Variants in NID2 observed in about 807,000 individuals in gnomAD.
The protein encoded by NID2 is nidogen-2.
In NID2, 83 loss-of-function variants were observed where a neutral mutation model predicts 145.4. The ratio of observed to expected loss-of-function variants is 0.57; its 90% CI spans 0.48 to 0.69. The LOEUF is 0.69. Ranked by LOEUF, NID2 falls within the 30% of genes least tolerant of loss-of-function variation. The probability of loss-of-function intolerance (pLI) is 0.00; values close to 1 mark genes in which losing one functional copy is unlikely to be tolerated. For missense variants in NID2, 1,807 were observed against 1,765.7 expected, an observed-to-expected ratio of 1.02 and a Z score of -0.42; for synonymous variants, 739 against 701.3, an observed-to-expected ratio of 1.05 and a Z score of -0.85.
chr14:52,038,658 C>CTA, intron 9 of NID2, 89 bp downstream of exon 9: 2 of 1,012,544 alleles, frequency 2.0e-6, no homozygotes, highest in South Asian at 3.6e-5. Flanking sequence ...CAGCATGGCA[C>CTA]TAGGTAACCC....
At chr14:52,058,016 C>G (rs1234666931) in intron 3 of NID2, among the ~76,000 whole-genome samples, 2 of 152,080 alleles carry the variant, frequency 1.3e-5, no homozygotes, top group Non-Finnish European at 2.9e-5. Context: ...AATCATACAC[C>G]CTTTCTCAGC....
At chr14:52,060,705 A>G (rs1892999572) in intron 2 of NID2, among the ~76,000 whole-genome samples, 1 of 152,252 alleles carries the variant, frequency 6.6e-6, no homozygotes, top group Admixed American at 6.5e-5. Flanking sequence ...AGCAATCAGC[A>G]AAATTAACTT....
At chr14:52,022,717 C>T (rs1346704182) in intron 12 of NID2, among the ~76,000 whole-genome samples, 1 of 152,216 alleles carries the variant, frequency 6.6e-6, no homozygotes, top group African/African-American at 2.4e-5. Context: ...TGTTAAAAAT[C>T]CTTCGAGTTC....
chr14:52,060,375 AAAAAG>A lies in NID2; in HGVS notation c.535-24_535-20del. ...TGTTCAGCTGTGAGGAAAAAAAAAA[AAAAAG>A]AGAGAGAGAGAGAGAGAAACATCCT... On this transcript the variant is annotated intron_variant, in intron 2 of 21. Coordinates refer to ENST00000216286, the MANE Select transcript of NID2 (RefSeq NM_007361.4). 1.9e-5 allele frequency: 24 copies of A among 1,244,984 alleles called. No homozygotes were observed. Among genetic ancestry groups the A allele is most frequent in the South Asian group, 1.1e-4 (6 of 56,672 alleles). 77.1% of individuals were successfully genotyped at this position (1,244,984 alleles called of 1,614,324 possible).
chr14:52,053,976 A>G (rs772310642), intron 4 of NID2, 38 bp from the exon 5 acceptor site: 5 of 1,611,306 alleles, frequency 3.1e-6, no homozygotes, highest in Non-Finnish European at 1.7e-6. Context: ...TAGGTGTTGG[A>G]TGCAAGGGGG....
At chr14:52,013,007 G>A (rs1418732718) in intron 16 of NID2, among the ~76,000 whole-genome samples, 5 of 152,196 alleles carry the variant, frequency 3.3e-5, no homozygotes, top group Non-Finnish European at 4.4e-5. Context: ...TATATGGGGG[G>A]CGGGCCTAAG....
intron 15 of NID2, 136 bp from the exon 16 acceptor site, chr14:52,014,592 G>T (rs148213563): frequency 6.8e-6 from 6 of 879,620 alleles, no homozygotes; most frequent in Non-Finnish European, 1.0e-5. Flanking sequence ...TGCTCCAGAT[G>T]TTCTTCAAAA....
chr14:52,067,701 C>A (rs1020108177), intron 2 of NID2, among the ~76,000 whole-genome samples, 157 bp downstream of exon 2: 3 of 152,230 alleles, frequency 2.0e-5, no homozygotes, highest in African/African-American at 7.2e-5. Context: ...CAACGTCTTT[C>A]CTCACTCCCA....
rs1405909476 is a variant in NID2, at chr14:52,040,664, G to A, written c.2013C>T (p.His671=). Residue 671 remains histidine (H), a synonymous_variant, in exon 8 of 22, where the codon CAC becomes CAT. Transcript: ENST00000216286. The stretch of plus-strand genomic sequence containing the variant: ...GGTTATACATACTGGAGTCGGAGTA[G>A]TGGTACAGCTCCTTGTAGGGAGAGA... ...AHISPYKELY[H]YSDSTVTSTS... 1.2e-6 allele frequency: 2 copies of A among 1,613,832 alleles called. No homozygotes were observed. Among genetic ancestry groups the A allele is most frequent in the Non-Finnish European group, 1.7e-6 (2 of 1,179,852 alleles).
chr14:52,021,297 A>T (rs1390554834), intron 12 of NID2, among the ~76,000 whole-genome samples: 1 of 152,200 alleles, frequency 6.6e-6, no homozygotes, highest in Non-Finnish European at 1.5e-5. Flanking sequence ...AATACGGTGC[A>T]GCCCATGGTA....
chr14:52,039,942 T>G (rs558326166), intron 8 of NID2, among the ~76,000 whole-genome samples: 44 of 152,250 alleles, frequency 2.9e-4, no homozygotes, highest in African/African-American at 9.6e-4. Flanking sequence ...ATCTCTGTGT[T>G]TTTTGGTTTT....
rs771668505 is a variant in NID2 at position 52,019,113 on chromosome 14, A to G, written c.2976T>C (p.Pro992=). The G allele has an allele frequency of 1.3e-5, 21 of 1,614,018 alleles. No individual in the cohort carries two copies. The Admixed American group carries it at 1.3e-4, about 10-fold the overall frequency. ...TGGAGCCAGGTGGAGTCTGGGTACC[A>G]GGAACTTCATGACCATCAGGGTCCA... The part of the protein sequence containing the change: ...WCVDPDGHEV[P]GTQTPPGSTP... Residue 992 remains proline, a synonymous_variant, in exon 14 of 22, where the codon CCT becomes CCC. Coordinates refer to ENST00000216286, the MANE Select transcript of NID2 (RefSeq NM_007361.4).
chr14:52,067,620 C>G (rs775294698), intron 2 of NID2, among the ~76,000 whole-genome samples: 1 of 152,212 alleles, frequency 6.6e-6, no homozygotes, highest in Non-Finnish European at 1.5e-5. Context: ...CACTCCCGCT[C>G]TCATATCCGC....
intron 5 of NID2, among the ~76,000 whole-genome samples, chr14:52,046,586 G>A (rs548743620): frequency 1.3e-5 from 2 of 152,032 alleles, no homozygotes; most frequent in Non-Finnish European, 2.9e-5. Context: ...AGTAAAAAGA[G>A]GCAGGGCGAT....
In NID2 at chr14:52,027,181, G is replaced by T; in HGVS notation, c.2674+20C>A. 6.8e-7 allele frequency: 1 copy of T among 1,460,498 alleles called. No individual in the cohort carries two copies. Among genetic ancestry groups the T allele is most frequent in the South Asian group, 1.4e-5 (1 of 69,080 alleles). 90.5% of individuals were successfully genotyped at this position (1,460,498 alleles called of 1,614,324 possible). On this transcript the variant is annotated intron_variant, in intron 12 of 21. Transcript: ENST00000216286. ...CCAAAGCAACTTTCCAGTCATTGAG[G>T]CTGACCTGCAGTTACTCACCAGTGC...
At position 52,007,961 on chromosome 14, in the gene NID2, C is replaced by A. The variant is rs766606365; in HGVS notation, c.3729G>T (p.Leu1243Phe). 1 of 1,595,990 alleles carries A rather than the reference C, an allele frequency of 6.3e-7. No homozygotes were observed. Among genetic ancestry groups the A allele is most frequent in the Non-Finnish European group, 8.5e-7 (1 of 1,173,758 alleles). ...AIAVDPIRGN[L>F]YWTDWNREAP... ...CTTCTCTATTCCAGTCTGTCCAGTA[C>A]AAGTTGCTGTAAGTTAAAAATCAAG... is the stretch of plus-strand genomic sequence containing the variant. Residue 1243 changes from leucine (L) to phenylalanine (F), a missense_variant, in exon 19 of 22, where the codon TTG becomes TTT. Physicochemically the swap from Leu to Phe is conservative, Grantham distance 22. Transcript: ENST00000216286.
At position 52,005,741 on chromosome 14, in the gene NID2, T is replaced by TGGGCA; in HGVS notation, c.4108_4112dup (p.Thr1372AlafsTer41). On this transcript the variant is annotated frameshift_variant, in exon 21 of 22. Coordinates refer to ENST00000216286, the MANE Select transcript of NID2 (RefSeq NM_007361.4). LOFTEE classifies it high-confidence loss of function. ...ATCCTAAAGCATACTTTTTACCTGT[T>TGGGCA]GGGCAGTAGGGGTAGACTGCAGTTA... The TGGGCA allele has an allele frequency of 3.1e-6, 5 of 1,610,998 alleles. No homozygotes were observed. Among genetic ancestry groups the TGGGCA allele is most frequent in the Non-Finnish European group, 4.2e-6 (5 of 1,177,116 alleles).
intron 16 of NID2, among the ~76,000 whole-genome samples, chr14:52,013,948 T>C (rs951225750): frequency 6.6e-6 from 1 of 152,270 alleles, no homozygotes; most frequent in Non-Finnish European, 1.5e-5. Context: ...GGAGATGTTA[T>C]GACATACAAC....
Position 52,027,253 on chromosome 14 carries a change from C to T in NID2, c.2622G>A (p.Thr874=), listed in dbSNP as rs775891579. Residue 874 remains threonine, a synonymous_variant, in exon 12 of 22, where the codon ACG becomes ACA. Transcript: ENST00000216286. ...QARCVHHGGS[T]FSCACLPGYA... ...AACCAGGCAGGCAGGCACAGCTGAA[C>T]GTGCTGCCTCCATGGTGAACACACC... The T allele has an allele frequency of 5.2e-5, 82 of 1,589,328 alleles. No homozygotes were observed. The highest frequency in any genetic ancestry group is 7.9e-5 in the South Asian group (7 of 88,096).
Sources: gnomAD v4.1 joint callset for allele counts (sites outside exome capture counted in the v4.1 genomes callset) on GRCh38, gnomAD v4.1.1 for gene constraint, MANE v1.5 for transcripts, NCBI Gene and HGNC (gene_info 2026-07-23, HGNC 2026-07-21) for gene names.